Variants in EML6 observed in about 807,000 individuals in gnomAD.
EML6 encodes the protein EMAP like 6, also known as echinoderm microtubule-associated protein-like 6.
Under a neutral mutation model 240.1 loss-of-function variants are expected in EML6, and 154 were observed. The ratio of observed to expected loss-of-function variants is 0.64; its 90% CI spans 0.56 to 0.73. EML6 has a LOEUF of 0.73. Ranked by LOEUF, EML6 falls within the 30% of genes least tolerant of loss-of-function variation. The pLI, the probability that EML6 is intolerant of heterozygous loss-of-function variation, is 0.00. For synonymous variants in EML6, 1,148 were observed against 899.0 expected (o/e 1.28, Z -4.95); for missense variants, 2,964 against 2,474.6 (o/e 1.20, Z -4.20).
chr2:54,859,334 C>A (rs925385437), intron 11 of EML6, among the ~76,000 whole-genome samples, 200 bp from the exon 12 acceptor site: 7 of 152,202 alleles, frequency 4.6e-5, no homozygotes, highest in East Asian at 1.9e-4. Flanking sequence ...ATTTTACGAC[C>A]TATTTTTAGC....
chr2:54,903,589 A>T, intron 24 of EML6, 87 bp downstream of exon 24: 236 of 799,560 alleles, frequency 3.0e-4, no homozygotes, highest in East Asian at 5.9e-4. Flanking sequence ...ATGGCAGTTG[A>T]GTGTTAGAAA....
chr2:54,946,083 G>A (rs1203395725), intron 28 of EML6, among the ~76,000 whole-genome samples: 1 of 152,218 alleles, frequency 6.6e-6, no homozygotes, highest in Non-Finnish European at 1.5e-5. Flanking sequence ...CTGCTCTCCA[G>A]AGCTTCGGCC....
rs1203414586 is a variant in EML6, at chr2:54,957,771, G to T, written c.4487-19G>T. The T allele has an allele frequency of 6.5e-7, 1 of 1,549,044 alleles. No individual in the cohort carries two copies. The highest frequency in any genetic ancestry group is 2.4e-5 in the East Asian group (1 of 40,932). On this transcript the variant is annotated intron_variant, in intron 32 of 41. Coordinates refer to ENST00000356458, the MANE Select transcript of EML6 (RefSeq NM_001039753.4). ...CATGAAGCAATGAGGAGCCTCACTG[G>T]ACTCTGTCACCCACACAGGTGCCAA...
At chr2:54,926,932 CA>C (rs1674579593) in intron 26 of EML6, among the ~76,000 whole-genome samples, 1 of 152,178 alleles carries the variant, frequency 6.6e-6, no homozygotes, top group Non-Finnish European at 1.5e-5. Context: ...AGGCATTTCT[CA>C]TGCTCTTTTA....
intron 26 of EML6, among the ~76,000 whole-genome samples, chr2:54,923,044 C>T (rs1056603295): frequency 4.7e-5 from 7 of 149,846 alleles, no homozygotes; most frequent in African/African-American, 7.4e-5. Flanking sequence ...CGGGTTCAAC[C>T]GATTCTCCTG....
chr2:54,799,263 G>C (rs1288954087), intron 2 of EML6, among the ~76,000 whole-genome samples: 1 of 151,126 alleles, frequency 6.6e-6, no homozygotes, highest in Non-Finnish European at 1.5e-5. Flanking sequence ...GTTTTACAAT[G>C]TTGGCCAGGC....
chr2:54,937,503 T>C (rs2104430749), intron 28 of EML6, among the ~76,000 whole-genome samples: 1 of 122,458 alleles, frequency 8.2e-6, no homozygotes, highest in South Asian at 2.6e-4. Flanking sequence ...CAGTGAGCCA[T>C]GATCATGCCA....
Position 54,853,632 on chromosome 2 carries a change from A to G in EML6, c.1445-11A>G, listed in dbSNP as rs564190616. 1 of 1,485,316 alleles carries G rather than the reference A, an allele frequency of 6.7e-7. No homozygotes were observed. The highest frequency in any genetic ancestry group is 2.5e-5 in the East Asian group (1 of 40,142). 92.0% of individuals were successfully genotyped at this position (1,485,316 alleles called of 1,614,324 possible). On this transcript the variant is annotated splice_polypyrimidine_tract_variant and intron_variant, in intron 10 of 41. Coordinates refer to ENST00000356458, the MANE Select transcript of EML6 (RefSeq NM_001039753.4). ...TTATTTAAATGTAATGTTAATATTGATTATTTTCAGCTGGGAAGCCTTTAA... is the reference window on the plus strand; with the variant it reads ...TTATTTAAATGTAATGTTAATATTGGTTATTTTCAGCTGGGAAGCCTTTAA...
intron 5 of EML6, among the ~76,000 whole-genome samples, chr2:54,821,457 T>G (rs1668331900): frequency 6.6e-6 from 1 of 152,146 alleles, no homozygotes; most frequent in African/African-American, 2.4e-5. Context: ...AATGTATCAT[T>G]TATCTCCAAA....
intron 27 of EML6, 50 bp downstream of exon 27, chr2:54,928,564 C>T (rs1166525775): frequency 1.9e-6 from 3 of 1,551,116 alleles, no homozygotes; most frequent in Non-Finnish European, 2.6e-6. Flanking sequence ...CACCTCCCAA[C>T]ACCTCCCTTC....
At chr2:54,789,513 C>CAG (rs1669295539) in intron 2 of EML6, among the ~76,000 whole-genome samples, 1 of 77,898 alleles carries the variant, frequency 1.3e-5, no homozygotes, top group African/African-American at 4.5e-5. Context: ...GACTTCGTCT[C>CAG]AAAAAAAAAA....
chr2:54,823,854 C>CTCTCTCTCTCTCTCTT (rs1668447054), intron 5 of EML6, among the ~76,000 whole-genome samples: 3 of 145,178 alleles, frequency 2.1e-5, no homozygotes, highest in Non-Finnish European at 4.5e-5. Flanking sequence ...CATTCATTCT[C>CTCTCTCTCTCTCTCTT]TCTCTCTCTC....
intron 21 of EML6, among the ~76,000 whole-genome samples, chr2:54,898,901 A>T (rs1289063798): frequency 3.3e-5 from 5 of 152,260 alleles, no homozygotes; most frequent in Non-Finnish European, 5.9e-5. Context: ...AGTGTTCGTT[A>T]TAAAAAAATA....
intron 2 of EML6, among the ~76,000 whole-genome samples, chr2:54,766,978 T>C (rs754031586): frequency 2.0e-5 from 3 of 152,178 alleles, no homozygotes; most frequent in Non-Finnish European, 2.9e-5. Flanking sequence ...TTGTTTGCAA[T>C]AGCAGCTAAA....
chr2:54,883,879 A>G (rs1671976542), intron 17 of EML6, among the ~76,000 whole-genome samples: 2 of 152,170 alleles, frequency 1.3e-5, no homozygotes. Flanking sequence ...CTTTATAACT[A>G]GCCACAACAG....
chr2:54,789,533 A>C (rs1040400517), intron 2 of EML6, among the ~76,000 whole-genome samples: 5 of 143,948 alleles, frequency 3.5e-5, no homozygotes, highest in African/African-American at 1.2e-4. Context: ...AAAAAAAAAA[A>C]AAAAAAAAAA....
chr2:54,860,813 C>T (rs957790154), intron 12 of EML6, among the ~76,000 whole-genome samples: 6 of 152,132 alleles, frequency 3.9e-5, no homozygotes, highest in African/African-American at 1.2e-4. Flanking sequence ...TGCAGCTCCT[C>T]ATTTCTCCCC....
intron 2 of EML6, among the ~76,000 whole-genome samples, chr2:54,795,868 A>G (rs1669738761): frequency 6.6e-6 from 1 of 152,204 alleles, no homozygotes; most frequent in Non-Finnish European, 1.5e-5. Context: ...GAATTTAAGA[A>G]CAGTGGTACT....
At chr2:54,953,527 C>A (rs983170169) in intron 31 of EML6, among the ~76,000 whole-genome samples, 33 of 152,158 alleles carry the variant, frequency 2.2e-4, no homozygotes, top group African/African-American at 7.5e-4. Flanking sequence ...TAGTCTTTCT[C>A]CTCTGGCCAG....
Sources: gnomAD v4.1 joint callset for allele counts (sites outside exome capture counted in the v4.1 genomes callset) on GRCh38, gnomAD v4.1.1 for gene constraint, MANE v1.5 for transcripts, NCBI Gene and HGNC (gene_info 2026-07-23, HGNC 2026-07-21) for gene names.